Variants in SNED1 observed in about 807,000 individuals in gnomAD.
SNED1 encodes the protein sushi, nidogen and EGF-like domain-containing protein 1.
In SNED1, 81 loss-of-function variants were observed where a neutral mutation model predicts 166.7. The ratio of observed to expected loss-of-function variants is 0.49; its 90% CI spans 0.41 to 0.58. The LOEUF (loss-of-function observed/expected upper bound fraction) is 0.58, where lower values mean the gene tolerates loss of function less well. SNED1 is among the 20% of genes least tolerant of loss of function. The probability of loss-of-function intolerance (pLI) is 0.00; values close to 1 mark genes in which losing one functional copy is unlikely to be tolerated. For missense variants in SNED1, 1,604 were observed against 2,000.2 expected, an observed-to-expected ratio of 0.80 and a Z score of 3.78; for synonymous variants, 762 against 822.0, an observed-to-expected ratio of 0.93 and a Z score of 1.25.
At chr2:241,021,361 G>A (rs4676002) in intron 1 of SNED1, among the ~76,000 whole-genome samples, 7,347 of 152,184 alleles carry the variant, frequency 0.048, 955 homozygotes, top group East Asian at 0.36. Context: ...TATTTACAGC[G>A]TTGTATATCC....
intron 16 of SNED1, 143 bp downstream of exon 16, chr2:241,053,469 G>C: frequency 1.2e-6 from 1 of 822,270 alleles, no homozygotes; most frequent in Non-Finnish European, 1.8e-6. Flanking sequence ...TCAGTCTCCT[G>C]TCTGTGAATG....
intron 12 of SNED1, chr2:241,050,151 C>T (rs375302370): frequency 1.7e-6 from 1 of 596,770 alleles, no homozygotes. Flanking sequence ...CTGGTCATTA[C>T]CTTGCTCTTC....
upstream of SNED1, among the ~76,000 whole-genome samples, chr2:240,998,574 A>T (rs2059981100): frequency 6.6e-6 from 1 of 151,850 alleles, no homozygotes; most frequent in African/African-American, 2.4e-5. Flanking sequence ...CCCCCGAGTG[A>T]CCGCCGGGCT....
At chr2:241,059,059 A>G (rs780269607) in intron 16 of SNED1, among the ~76,000 whole-genome samples, 1 of 152,244 alleles carries the variant, frequency 6.6e-6, no homozygotes, top group Non-Finnish European at 1.5e-5. Flanking sequence ...TCGTGTTTAC[A>G]GTGGAGTCCT....
chr2:241,044,749 C>T (rs990165086), intron 8 of SNED1, among the ~76,000 whole-genome samples: 4 of 152,152 alleles, frequency 2.6e-5, no homozygotes, highest in Non-Finnish European at 5.9e-5. Flanking sequence ...GTTGGAGGTG[C>T]TGTGGTTTCA....
rs145725587 is a variant in SNED1, at chr2:241,011,029, A to C, written c.213+11979A>C. 2.6e-5 allele frequency among the ~76,000 whole-genome samples: 4 copies of C among 151,980 alleles called. No homozygotes were observed. The East Asian group carries it at 7.8e-4, about 30-fold the overall frequency. Reference sequence around the variant, plus strand: ...CAGCATCTCTACCCTGCAGACCCAGAACAAGCACACTGCCCTCCCTCCCTG... The same window carrying C: ...CAGCATCTCTACCCTGCAGACCCAGCACAAGCACACTGCCCTCCCTCCCTG... On this transcript the variant is annotated intron_variant, in intron 1 of 31. Transcript: ENST00000310397.
chr2:241,003,990 T>A (rs2060146145), intron 1 of SNED1, among the ~76,000 whole-genome samples: 1 of 152,236 alleles, frequency 6.6e-6, no homozygotes, highest in African/African-American at 2.4e-5. Context: ...TGGAAGCCCC[T>A]GGGCTGGACA....
chr2:241,012,402 C>T (rs537371047), intron 1 of SNED1, among the ~76,000 whole-genome samples: 5 of 152,380 alleles, frequency 3.3e-5, no homozygotes, highest in East Asian at 3.9e-4. Flanking sequence ...ACCGCCCCAC[C>T]CTGCATCGCC....
At chr2:241,066,724 G>A (rs1214681774) in intron 21 of SNED1, among the ~76,000 whole-genome samples, 1 of 152,222 alleles carries the variant, frequency 6.6e-6, no homozygotes. Flanking sequence ...AAACCTATGG[G>A]TAGCATGGCG....
At chr2:241,052,257 C>A in intron 14 of SNED1, 98 bp from the exon 15 acceptor site, 1 of 1,433,880 alleles carries the variant, frequency 7.0e-7, no homozygotes, top group Non-Finnish European at 9.7e-7. Context: ...GCCCTGGAGG[C>A]GCAGGAGGTG....
chr2:241,064,208 G>C lies in SNED1; in HGVS notation c.2599+83G>C. ...CCCGCCTGCTGCCCGCCCTCTGCCC[G>C]CCTGCTCCCCGCCCTCTGCCCGCCT... On this transcript the variant is annotated intron_variant, in intron 19 of 31. Transcript: ENST00000310397. This position sits in a 1 kb window ranked among gnomAD's most constrained non-coding sequence, Gnocchi z 7.0. 1 of 920,906 alleles carries C rather than the reference G, an allele frequency of 1.1e-6. No homozygotes were observed. The highest frequency in any genetic ancestry group is 2.9e-5 in the East Asian group (1 of 34,286). The allele number at this position is 920,906 out of a possible 1,614,324, so 57.0% of individuals were successfully genotyped here.
At chr2:241,044,433 C>A (rs987883623) in intron 8 of SNED1, among the ~76,000 whole-genome samples, 13 of 152,218 alleles carry the variant, frequency 8.5e-5, no homozygotes, top group Admixed American at 3.9e-4. Context: ...CAATCCTGGA[C>A]AGAATGCATG....
intron 1 of SNED1, among the ~76,000 whole-genome samples, chr2:241,017,491 T>C (rs943454276): frequency 2.6e-5 from 4 of 152,240 alleles, no homozygotes; most frequent in Non-Finnish European, 4.4e-5. Flanking sequence ...AAGGTGGATC[T>C]CTGCAAACAC....
At chr2:241,085,729 T>C (rs2063538231) in intron 29 of SNED1, among the ~76,000 whole-genome samples, 1 of 152,194 alleles carries the variant, frequency 6.6e-6, no homozygotes, top group Non-Finnish European at 1.5e-5. Flanking sequence ...TTTTCAAGAA[T>C]GTTTTTTCTC....
chr2:241,032,365 AT>A (rs1393058538), intron 2 of SNED1, among the ~76,000 whole-genome samples: 2 of 151,734 alleles, frequency 1.3e-5, no homozygotes, highest in African/African-American at 2.4e-5. Context: ...AAAAAAAAAA[AT>A]CTACACGTTC....
intron 30 of SNED1, chr2:241,087,782 G>A (rs1575141907): frequency 1.0e-6 from 1 of 975,844 alleles, no homozygotes; most frequent in Non-Finnish European, 1.4e-6. Flanking sequence ...ACAGCCCCGA[G>A]TATTTAATGG....
intron 6 of SNED1, among the ~76,000 whole-genome samples, chr2:241,038,435 A>G (rs1032335855): frequency 4.6e-5 from 7 of 152,248 alleles, no homozygotes; most frequent in Non-Finnish European, 7.3e-5. Flanking sequence ...GAAGTTCTGC[A>G]GGAATGCAAT....
chr2:241,036,854 G>T lies in SNED1; in HGVS notation c.870G>T (p.Thr290=), dbSNP rs200313330. The part of the protein sequence containing the change: ...NGGKCIDDCV[T]GNPSYTCSCL... ...GCAAGTGCATCGACGACTGCGTCAC[G>T]GGCAACCCCTCCTACACCTGCTCCT... The change falls in exon 5 of 32, where the codon ACG becomes ACT. Residue 290 remains threonine (T), a synonymous_variant. Transcript: ENST00000310397. The T allele has an allele frequency of 1.1e-5, 18 of 1,611,560 alleles. No individual in the cohort carries two copies. The highest frequency in any genetic ancestry group is 3.3e-5 in the Admixed American group (2 of 59,986).
chr2:241,077,053 T>A (rs930557865), intron 27 of SNED1, among the ~76,000 whole-genome samples: 53 of 145,486 alleles, frequency 3.6e-4, no homozygotes, highest in African/African-American at 1.3e-3. Context: ...CACTCCAGCC[T>A]GGGCGACAGA....
Sources: gnomAD v4.1 joint callset for allele counts (sites outside exome capture counted in the v4.1 genomes callset) on GRCh38, gnomAD v4.1.1 for gene constraint, Gnocchi (gnomAD v3.1) non-coding constraint, MANE v1.5 for transcripts, NCBI Gene and HGNC (gene_info 2026-07-23, HGNC 2026-07-21) for gene names.